Variants in MAPRE2 observed in about 807,000 individuals in gnomAD.
MAPRE2 encodes the protein microtubule-associated protein RP/EB family member 2.
Under a neutral mutation model 43.2 loss-of-function variants are expected in MAPRE2, and 13 were observed. The observed-to-expected ratio is 0.30, with a 90% CI of 0.20 to 0.48. MAPRE2 has a LOEUF of 0.48. MAPRE2 is among the 20% of genes least tolerant of loss of function. MAPRE2 has a pLI of 0.99. For missense variants in MAPRE2, 161 were observed against 400.2 expected (o/e 0.40, Z 5.10); for synonymous variants, 135 against 148.8 (o/e 0.91, Z 0.68).
intron 1 of MAPRE2, among the ~76,000 whole-genome samples, chr18:35,064,519 C>T (rs1487476109): frequency 6.6e-6 from 1 of 152,080 alleles, no homozygotes; most frequent in Non-Finnish European, 1.5e-5. Flanking sequence ...CTAGCTAGCA[C>T]ATATTATATA....
At chr18:34,985,544 T>A (rs1326370574) in intron 1 of MAPRE2, among the ~76,000 whole-genome samples, 2 of 62,814 alleles carry the variant, frequency 3.2e-5, no homozygotes, top group Non-Finnish European at 5.5e-5. Flanking sequence ...TAATATATAA[T>A]ATATATATTA....
chr18:35,011,822 T>C (rs913855311), intron 2 of MAPRE2, among the ~76,000 whole-genome samples: 2 of 152,180 alleles, frequency 1.3e-5, no homozygotes, highest in East Asian at 3.8e-4. Flanking sequence ...TATTCATTCA[T>C]CTAGCGAACA....
chr18:35,016,208 A>C (rs1414436933), intron 2 of MAPRE2, among the ~76,000 whole-genome samples: 1 of 151,806 alleles, frequency 6.6e-6, no homozygotes, highest in Middle Eastern at 3.2e-3. Flanking sequence ...CTGTGGATAG[A>C]CTCCTAGGCA....
chr18:35,050,738 C>T (rs1905896169), intron 1 of MAPRE2, among the ~76,000 whole-genome samples: 1 of 152,136 alleles, frequency 6.6e-6, no homozygotes, highest in Non-Finnish European at 1.5e-5. Context: ...TCCTCCAACT[C>T]AGCCTAACCT....
intron 2 of MAPRE2, among the ~76,000 whole-genome samples, chr18:35,029,711 C>T (rs1034190759): frequency 1.3e-5 from 2 of 152,184 alleles, no homozygotes; most frequent in African/African-American, 4.8e-5. Context: ...TCTTGCCACC[C>T]AACTGAGCCC....
chr18:35,085,205 T>C (rs140230823), intron 2 of MAPRE2, among the ~76,000 whole-genome samples: 160 of 152,312 alleles, frequency 1.1e-3, no homozygotes, highest in African/African-American at 3.6e-3. Flanking sequence ...GCTGGAAATA[T>C]GTAACCTTGT....
chr18:34,978,282 A>G (rs1394956568), intron 1 of MAPRE2: 4 of 591,350 alleles, frequency 6.8e-6, no homozygotes, highest in Non-Finnish European at 1.2e-5. Context: ...TAAAAATACT[A>G]TCGTGCTGTC....
chr18:35,048,192 G>T (rs1905735034), intron 1 of MAPRE2, among the ~76,000 whole-genome samples: 3 of 152,140 alleles, frequency 2.0e-5, no homozygotes, highest in Admixed American at 1.3e-4. Context: ...AAGAGAGAGG[G>T]AGTGGAGGGG....
At chr18:35,026,650 G>C (rs1417655440) in intron 2 of MAPRE2, among the ~76,000 whole-genome samples, 1 of 152,112 alleles carries the variant, frequency 6.6e-6, no homozygotes, top group Non-Finnish European at 1.5e-5. Context: ...ATATTTGCTA[G>C]CTCTGTGGAA....
At chr18:35,125,618 C>T (rs1909872287) in intron 4 of MAPRE2, among the ~76,000 whole-genome samples, 1 of 152,192 alleles carries the variant, frequency 6.6e-6, no homozygotes, top group Non-Finnish European at 1.5e-5. Flanking sequence ...TGCCACTTCA[C>T]AGGGACTGTG....
chr18:35,123,998 A>G (rs1401404387), intron 4 of MAPRE2, among the ~76,000 whole-genome samples: 1 of 152,174 alleles, frequency 6.6e-6, no homozygotes, highest in Non-Finnish European at 1.5e-5. Flanking sequence ...TGAGACTGGC[A>G]GGGTGGTAGA....
intron 1 of MAPRE2, among the ~76,000 whole-genome samples, chr18:35,055,386 C>T (rs1205997607): frequency 6.6e-6 from 1 of 152,138 alleles, no homozygotes; most frequent in Non-Finnish European, 1.5e-5. Flanking sequence ...TTTACATGGT[C>T]GTCTTTTAAG....
At chr18:35,027,713 C>T (rs1304599393) in intron 2 of MAPRE2, among the ~76,000 whole-genome samples, 1 of 152,206 alleles carries the variant, frequency 6.6e-6, no homozygotes, top group African/African-American at 2.4e-5. Flanking sequence ...GCATAACAGC[C>T]TACCACAAAA....
chr18:35,095,824 C>T (rs899424764), intron 2 of MAPRE2, among the ~76,000 whole-genome samples: 1 of 152,032 alleles, frequency 6.6e-6, no homozygotes, highest in South Asian at 2.1e-4. Flanking sequence ...CATGATGTTT[C>T]TCTTTCCTCC....
intron 2 of MAPRE2, among the ~76,000 whole-genome samples, chr18:35,007,386 G>T (rs1192846856): frequency 6.6e-6 from 1 of 152,180 alleles, no homozygotes; most frequent in Non-Finnish European, 1.5e-5. Flanking sequence ...TCTAAATAGG[G>T]TGTTGCTTTC....
At chr18:35,115,619 CTATT>C (rs1397847260) in intron 4 of MAPRE2, among the ~76,000 whole-genome samples, 1 of 152,080 alleles carries the variant, frequency 6.6e-6, no homozygotes, top group Non-Finnish European at 1.5e-5. Context: ...AGAACACGCA[CTATT>C]TGATTTTTCA....
At chr18:35,072,342 A>G (rs1907152317) in intron 2 of MAPRE2, among the ~76,000 whole-genome samples, 1 of 152,232 alleles carries the variant, frequency 6.6e-6, no homozygotes, top group Non-Finnish European at 1.5e-5. Flanking sequence ...TGCAACTGCT[A>G]AGGGGCAAAG....
chr18:35,035,204 C>A (rs961559366), intron 2 of MAPRE2, among the ~76,000 whole-genome samples: 3 of 151,894 alleles, frequency 2.0e-5, no homozygotes, highest in African/African-American at 7.3e-5. Flanking sequence ...GAGCTCATGT[C>A]CTTTGTAGGG....
At chr18:35,080,515 T>C (rs1280685889) in intron 2 of MAPRE2, among the ~76,000 whole-genome samples, 1 of 152,200 alleles carries the variant, frequency 6.6e-6, no homozygotes. Flanking sequence ...AGGGCACTAA[T>C]GGGCAGTCTG....
Sources: gnomAD v4.1 joint callset for allele counts (sites outside exome capture counted in the v4.1 genomes callset) on GRCh38, gnomAD v4.1.1 for gene constraint, MANE v1.5 for transcripts, NCBI Gene and HGNC (gene_info 2026-07-23, HGNC 2026-07-21) for gene names.